PLA2G4D: variants seen among roughly 807,000 people sequenced by gnomAD.
PLA2G4D encodes phospholipase A2 group IVD, also known as cytosolic phospholipase A2 delta.
In PLA2G4D, 80 loss-of-function variants were observed where a neutral mutation model predicts 94.4. That is an observed-to-expected ratio of 0.85 (90% CI 0.71 to 1.02). The LOEUF (loss-of-function observed/expected upper bound fraction) is 1.02. PLA2G4D is among the 50% of genes least tolerant of loss of function. PLA2G4D has a pLI of 0.00. For missense variants in PLA2G4D, 1,050 were observed against 1,034.7 expected (o/e 1.01, Z -0.20); for synonymous variants, 438 against 440.9 (o/e 0.99, Z 0.08).
chr15:42,077,205 G>A (rs1889947503), intron 13 of PLA2G4D, among the ~76,000 whole-genome samples: 1 of 152,126 alleles, frequency 6.6e-6, no homozygotes, highest in African/African-American at 2.4e-5. Context: ...AATTGAAGAG[G>A]AGGGAATACT....
chr15:42,072,245 T>C (rs1889840036), intron 14 of PLA2G4D, 30 bp downstream of exon 14: 1 of 1,556,404 alleles, frequency 6.4e-7, no homozygotes. Context: ...GGGGGTGGAG[T>C]ATGTGGGAGG....
At chr15:42,073,960 G>C (rs1413191225) in intron 13 of PLA2G4D, among the ~76,000 whole-genome samples, 1 of 152,156 alleles carries the variant, frequency 6.6e-6, no homozygotes, top group East Asian at 1.9e-4. Context: ...ATGAATTACA[G>C]GGAATTTGCA....
Position 42,070,890 on chromosome 15 carries a change from G to A in PLA2G4D, c.1877-7C>T, listed in dbSNP as rs374882340. On this transcript the variant is annotated splice_region_variant and splice_polypyrimidine_tract_variant and intron_variant, in intron 17 of 19. Coordinates refer to ENST00000290472, the MANE Select transcript of PLA2G4D (RefSeq NM_178034.4). ...ATGGAGTCAAGCTGGTAGTCTGGTGGGAATCGCAGGATGGTCAGAGGCCAC... is the reference window on the plus strand; with the variant it reads ...ATGGAGTCAAGCTGGTAGTCTGGTGAGAATCGCAGGATGGTCAGAGGCCAC... The A allele has an allele frequency of 3.5e-5, 56 of 1,609,110 alleles. No homozygotes were observed. The African/African-American group carries it at 7.1e-4, about 20-fold the overall frequency.
Position 42,071,378 on chromosome 15 carries a change from G to A in PLA2G4D, c.1682-61C>T, listed in dbSNP as rs143363447. 4,778 of 1,566,528 alleles carry A rather than the reference G, an allele frequency of 3.1e-3. 18 individuals are homozygous for A. The highest frequency in any genetic ancestry group is 0.013 in the Middle Eastern group (77 of 5,836). On this transcript the variant is annotated intron_variant, in intron 16 of 19. Coordinates refer to ENST00000290472, the MANE Select transcript of PLA2G4D (RefSeq NM_178034.4). ...CCCTTACTTCTTCCCCTCAGACACC[G>A]CACACCGCAAGCATTCTAAAGGAAC...
chr15:42,071,062 C>A, intron 17 of PLA2G4D, 61 bp downstream of exon 17: 1 of 1,582,434 alleles, frequency 6.3e-7, no homozygotes, highest in Non-Finnish European at 8.6e-7. Context: ...TCAGCCAGTC[C>A]CTGCCACACC....
At chr15:42,090,717 C>T (rs1008359770) in intron 1 of PLA2G4D, among the ~76,000 whole-genome samples, 4 of 152,180 alleles carry the variant, frequency 2.6e-5, no homozygotes, top group African/African-American at 9.7e-5. Flanking sequence ...AAATCGCTGA[C>T]ACTTAGGCTT....
intron 18 of PLA2G4D, chr15:42,070,399 CA>C (rs1227951403): frequency 1.9e-6 from 1 of 513,806 alleles, no homozygotes; most frequent in Non-Finnish European, 3.4e-6. Context: ...AGGAGACCCA[CA>C]TTGGCACAGC....
In PLA2G4D at chr15:42,068,834, G is replaced by A. The variant is rs777540857; in HGVS notation, c.2338C>T (p.Arg780Cys). ...NMTYKEEDFERLLRLSDYNVQ... is the reference protein window; with the variant it reads ...NMTYKEEDFECLLRLSDYNVQ... ...TTGTAGTCACTGAGCCGCAGCAGGC[G>A]CTCGAAGTCTTCCTCCTTGTAGGTC... The change falls in exon 20 of 20, where the codon CGC (arginine) becomes TGC (cysteine). Residue 780 changes from arginine to cysteine, a missense_variant. By Grantham distance (180) the Arg-to-Cys change is radical (BLOSUM62 -3). Coordinates refer to ENST00000290472, the MANE Select transcript of PLA2G4D (RefSeq NM_178034.4). 17 of 1,613,952 alleles carry A rather than the reference G, an allele frequency of 1.1e-5. No individual in the cohort carries two copies. In the South Asian group the frequency reaches 1.2e-4, roughly 11 times the overall value.
At chr15:42,069,779 C>T in intron 19 of PLA2G4D, 130 bp downstream of exon 19, 2 of 824,588 alleles carry the variant, frequency 2.4e-6, no homozygotes, top group South Asian at 2.5e-5. Context: ...CCTGAGTGGG[C>T]CTGGATGGGC....
intron 13 of PLA2G4D, 126 bp downstream of exon 13, chr15:42,079,411 C>G: frequency 1.1e-6 from 1 of 895,818 alleles, no homozygotes; most frequent in Non-Finnish European, 1.6e-6. Context: ...CAAAGTGAGG[C>G]AGACACTAAA....
intron 13 of PLA2G4D, among the ~76,000 whole-genome samples, chr15:42,075,274 A>G (rs1889898144): frequency 2.0e-5 from 3 of 152,382 alleles, no homozygotes; most frequent in South Asian, 2.1e-4. Flanking sequence ...GGAGTATCCA[A>G]TGGTAATTAA....
intron 19 of PLA2G4D, 91 bp from the exon 20 acceptor site, chr15:42,069,032 G>A (rs565671310): frequency 2.3e-5 from 27 of 1,157,772 alleles, no homozygotes; most frequent in Admixed American, 1.8e-4. Context: ...CCCGCTGGAG[G>A]GGCCCCTGCT....
At chr15:42,074,605 A>C (rs1889884360) in intron 13 of PLA2G4D, among the ~76,000 whole-genome samples, 1 of 152,234 alleles carries the variant, frequency 6.6e-6, no homozygotes, top group Non-Finnish European at 1.5e-5. Context: ...TATGTAGACT[A>C]ATAAAGTCAT....
At chr15:42,094,150 TG>T (rs1158064298) in intron 1 of PLA2G4D, among the ~76,000 whole-genome samples, 3 of 152,006 alleles carry the variant, frequency 2.0e-5, no homozygotes, top group Non-Finnish European at 2.9e-5. Context: ...TCTCCGATGA[TG>T]GTGGGGGAGA....
At chr15:42,085,919 T>A (rs1339032165) in intron 4 of PLA2G4D, among the ~76,000 whole-genome samples, 1 of 152,232 alleles carries the variant, frequency 6.6e-6, no homozygotes, top group Non-Finnish European at 1.5e-5. Context: ...ACGTGAGGCC[T>A]TCACAAAGCA....
rs761397580 is a variant in PLA2G4D at position 42,071,496 on chromosome 15, G to A, written c.1629C>T (p.Thr543=). 4.3e-6 allele frequency: 7 copies of A among 1,613,900 alleles called. No homozygotes were observed. In the African/African-American group the frequency reaches 6.7e-5, roughly 15 times the overall value. ...LNLLDAWYDL[T]SSGESWKQHI... is the part of the protein sequence containing the mutation. ...GCTGTTTCCAGGACTCCCCAGAACTGGTGAGGTCATACCAGGCATCCAGCA... is the reference window on the plus strand; with the variant it reads ...GCTGTTTCCAGGACTCCCCAGAACTAGTGAGGTCATACCAGGCATCCAGCA... The change falls in exon 16 of 20, where the codon ACC becomes ACT. Residue 543 remains threonine, a synonymous_variant. Coordinates refer to ENST00000290472, the MANE Select transcript of PLA2G4D (RefSeq NM_178034.4).
rs765309935 is a variant in PLA2G4D, at chr15:42,068,949, G to C, written c.2231-8C>G. 5.0e-6 allele frequency: 8 copies of C among 1,603,040 alleles called. No individual in the cohort carries two copies. In the South Asian group the frequency reaches 7.8e-5, roughly 16 times the overall value. ...CGGGGCTGCGCTGGACACCTGCCCA[G>C]GGGTAGGAGGGGTGTCAGGAGCAGG... On this transcript the variant is annotated splice_region_variant and splice_polypyrimidine_tract_variant and intron_variant, in intron 19 of 19. Coordinates refer to ENST00000290472, the MANE Select transcript of PLA2G4D (RefSeq NM_178034.4).
At position 42,080,999 on chromosome 15, in the gene PLA2G4D, C is replaced by T. The variant is rs565160723; in HGVS notation, c.1092G>A (p.Thr364=). ...VTYFSGISGS[T]WTMAHLYGDP... ...ACCCAGTCCCCCAGGATCCTCACCA[C>T]GTAGAGCCAGAGATGCCACTGAAGT... Residue 364 remains threonine, a splice_region_variant and synonymous_variant, in exon 12 of 20, where the codon ACG becomes ACA. Transcript: ENST00000290472. 8.7e-6 allele frequency: 14 copies of T among 1,613,774 alleles called. No individual in the cohort carries two copies. Among genetic ancestry groups the T allele is most frequent in the South Asian group, 6.6e-5 (6 of 91,058 alleles).
At chr15:42,083,681 G>A (rs1890086452) in intron 7 of PLA2G4D, 35 bp downstream of exon 7, 1 of 1,612,074 alleles carries the variant, frequency 6.2e-7, no homozygotes, top group Non-Finnish European at 8.5e-7. Context: ...CCCACATCCA[G>A]GCAGAGTCCA....
Sources: allele counts gnomAD v4.1 joint callset (sites outside exome capture counted in the v4.1 genomes callset), GRCh38; gene constraint gnomAD v4.1.1; transcripts MANE v1.5; gene names NCBI Gene and HGNC (gene_info 2026-07-23, HGNC 2026-07-21).